GRIK3: variants seen among roughly 807,000 people sequenced by gnomAD.
GRIK3 encodes the protein glutamate receptor ionotropic, kainate 3.
Under a neutral mutation model 102.5 loss-of-function variants are expected in GRIK3, and 29 were observed. The ratio of observed to expected loss-of-function variants is 0.28; its 90% CI spans 0.21 to 0.39. The LOEUF is 0.39. Among genes scored for constraint, GRIK3 ranks in the 10% least tolerant of loss-of-function variants. GRIK3 has a pLI of 1.00. For missense variants in GRIK3, 908 were observed against 1,252.4 expected, an observed-to-expected ratio of 0.73 and a Z score of 4.15; for synonymous variants, 511 against 504.9, an observed-to-expected ratio of 1.01 and a Z score of -0.16.
At chr1:36,941,190 T>C (rs1641715223) in intron 1 of GRIK3, among the ~76,000 whole-genome samples, 1 of 152,158 alleles carries the variant, frequency 6.6e-6, no homozygotes, top group Non-Finnish European at 1.5e-5. Context: ...CCAGTCTCTG[T>C]GACCAAAAAT....
chr1:36,906,540 C>A lies in GRIK3; in HGVS notation c.116-15444G>T, dbSNP rs191461061. On this transcript the variant is annotated intron_variant, in intron 1 of 15. Transcript: ENST00000373091. ...AAAGCTACCATGCAATTTAGAAAAA[C>A]AAAGTGAAGTGTGAGCTTCCACATT... Among the ~76,000 whole-genome samples the A allele has an allele frequency of 3.6e-4, 55 of 152,312 alleles. No individual in the cohort carries two copies. The East Asian group carries it at 0.01, about 28-fold the overall frequency.
At chr1:36,961,662 C>T (rs77499310) in intron 1 of GRIK3, among the ~76,000 whole-genome samples, 7,347 of 152,326 alleles carry the variant, frequency 0.048, 225 homozygotes, top group Middle Eastern at 0.092. Context: ...CTGCTGGCTC[C>T]GACATGAATG....
chr1:37,024,761 AAAG>A (rs1304607303), intron 1 of GRIK3, among the ~76,000 whole-genome samples: 4 of 151,290 alleles, frequency 2.6e-5, no homozygotes, highest in African/African-American at 9.7e-5. Context: ...AAAAAAAAAA[AAAG>A]AGTTTGCTCA....
chr1:37,014,232 C>A (rs1642628476), intron 1 of GRIK3, among the ~76,000 whole-genome samples: 1 of 152,204 alleles, frequency 6.6e-6, no homozygotes, highest in Admixed American at 6.5e-5. Flanking sequence ...AGATGAGGTC[C>A]CATGAAAATG....
At chr1:36,917,845 T>A (rs2124301068) in intron 1 of GRIK3, among the ~76,000 whole-genome samples, 1 of 152,228 alleles carries the variant, frequency 6.6e-6, no homozygotes, top group African/African-American at 2.4e-5. Flanking sequence ...GGGGAGAGAT[T>A]CCTTATAGGA....
Position 36,872,125 on chromosome 1 carries a change from G to A in GRIK3, c.732+63C>T, listed in dbSNP as rs1429941395. On this transcript the variant is annotated intron_variant, in intron 4 of 15. Transcript: ENST00000373091. The surrounding 1 kb of genome is among the most constrained non-coding windows in gnomAD (Gnocchi z 5.9). ...CAGCATCACACCCACATTTGGGAAG[G>A]GGACGTGGGAGAAGTGGCCAGCAGA... The A allele has an allele frequency of 2.8e-6, 4 of 1,412,578 alleles. No individual in the cohort carries two copies. Among genetic ancestry groups the A allele is most frequent in the Non-Finnish European group, 3.8e-6 (4 of 1,043,042 alleles). 87.5% of individuals were successfully genotyped at this position (1,412,578 alleles called of 1,614,324 possible).
At chr1:36,915,085 C>T (rs758154468) in intron 1 of GRIK3, among the ~76,000 whole-genome samples, 2 of 152,222 alleles carry the variant, frequency 1.3e-5, no homozygotes, top group Non-Finnish European at 2.9e-5. Flanking sequence ...AAAAGATGTT[C>T]CTCCATTCAG....
At chr1:36,863,774 G>T (rs924141159) in intron 5 of GRIK3, among the ~76,000 whole-genome samples, 13 of 152,152 alleles carry the variant, frequency 8.5e-5, no homozygotes, top group Non-Finnish European at 1.6e-4. Flanking sequence ...CATGCCACTG[G>T]TAACAACTGC....
chr1:37,009,603 T>G (rs1248888223), intron 1 of GRIK3, among the ~76,000 whole-genome samples: 16 of 152,100 alleles, frequency 1.1e-4, no homozygotes, highest in Non-Finnish European at 2.1e-4. Flanking sequence ...GGGGTGTGTG[T>G]GTATGTGTGT....
intron 11 of GRIK3, among the ~76,000 whole-genome samples, chr1:36,824,267 T>C (rs1252779900): frequency 1.3e-5 from 2 of 151,926 alleles, no homozygotes; most frequent in Non-Finnish European, 2.9e-5. Context: ...CCCGAGAAGG[T>C]GGGAGCTGAG....
intron 1 of GRIK3, among the ~76,000 whole-genome samples, chr1:36,977,981 C>A (rs1642212208): frequency 6.6e-6 from 1 of 152,256 alleles, no homozygotes; most frequent in African/African-American, 2.4e-5. Flanking sequence ...ACATCACTCC[C>A]CCTACACTGT....
chr1:36,953,813 C>G, intron 1 of GRIK3, among the ~76,000 whole-genome samples: 2 of 152,202 alleles, frequency 1.3e-5, no homozygotes, highest in Middle Eastern at 3.4e-3. Flanking sequence ...AGGCTTCACT[C>G]GCTCCGCAGC....
intron 5 of GRIK3, 144 bp from the exon 6 acceptor site, chr1:36,860,161 A>G: frequency 1.6e-6 from 1 of 609,940 alleles, no homozygotes; most frequent in Non-Finnish European, 2.8e-6. Context: ...GGTGCGGGAT[A>G]TCGGGGTAGT....
chr1:36,877,403 C>T (rs1030264879), intron 3 of GRIK3, among the ~76,000 whole-genome samples: 10 of 152,180 alleles, frequency 6.6e-5, no homozygotes, highest in Admixed American at 3.3e-4. Flanking sequence ...CCAGTGCAGT[C>T]GGCTGTGCTC....
At chr1:36,959,066 A>G (rs541333) in intron 1 of GRIK3, among the ~76,000 whole-genome samples, 63,787 of 99,218 alleles carry the variant, frequency 0.64, 22,606 homozygotes, top group East Asian at 0.91. Context: ...GTGAGCCTGC[A>G]CCCCATGAGC....
chr1:36,877,751 A>T (rs773953084), intron 3 of GRIK3, among the ~76,000 whole-genome samples: 10 of 151,910 alleles, frequency 6.6e-5, no homozygotes, highest in Admixed American at 1.3e-4. Flanking sequence ...TCCTCTCCTC[A>T]TTCATCTATC....
Position 36,938,981 on chromosome 1 carries a change from G to A in GRIK3, c.116-47885C>T, listed in dbSNP as rs116395451. ...GAGGACACATGAGCCAGCACAAGAC[G>A]GAAAGAGAGAGAGAGAGTTTTGAGT... On this transcript the variant is annotated intron_variant, in intron 1 of 15. Coordinates refer to ENST00000373091, the MANE Select transcript of GRIK3 (RefSeq NM_000831.4). 6.5e-3 allele frequency among the ~76,000 whole-genome samples: 991 copies of A among 152,272 alleles called. 12 individuals carry two copies. Among genetic ancestry groups the A allele is most frequent in the African/African-American group, 0.022 (926 of 41,536 alleles).
chr1:36,849,132 C>T (rs1404154141), intron 9 of GRIK3, among the ~76,000 whole-genome samples: 1 of 152,210 alleles, frequency 6.6e-6, no homozygotes, highest in Admixed American at 6.5e-5. Flanking sequence ...CTGCCACTCA[C>T]TGGGCTACCT....
Position 36,800,614 on chromosome 1 carries a change from C to G in GRIK3, c.*1237G>C, listed in dbSNP as rs1642429941. ...CAGGAGGCAGCTTCTTCCTCCCCAC[C>G]CTTGGGGCCTCTGCCAGCTATGATA... On this transcript the variant is annotated 3_prime_UTR_variant, in exon 16 of 16. Coordinates refer to ENST00000373091, the MANE Select transcript of GRIK3 (RefSeq NM_000831.4). 1 of 152,236 alleles carries G rather than the reference C, an allele frequency of 6.6e-6. No individual in the cohort carries two copies. The highest frequency in any genetic ancestry group is 1.5e-5 in the Non-Finnish European group (1 of 68,066). 9.4% of individuals were successfully genotyped at this position (152,236 alleles called of 1,614,324 possible).
Sources: gnomAD v4.1 joint callset for allele counts (sites outside exome capture counted in the v4.1 genomes callset) on GRCh38, gnomAD v4.1.1 for gene constraint, Gnocchi (gnomAD v3.1) non-coding constraint, MANE v1.5 for transcripts, NCBI Gene and HGNC (gene_info 2026-07-23, HGNC 2026-07-21) for gene names.